ASAP1: variants seen among roughly 807,000 people sequenced by gnomAD.
ASAP1 encodes arf-GAP with SH3 domain, ANK repeat and PH domain-containing protein 1.
ASAP1 carries 43 observed loss-of-function variants against 145.2 expected under a neutral mutation model. The observed-to-expected ratio is 0.30, with a 90% confidence interval of 0.23 to 0.38. The LOEUF (loss-of-function observed/expected upper bound fraction) is 0.38. ASAP1 is among the 10% of genes least tolerant of loss of function. ASAP1 has a pLI of 1.00. For missense variants in ASAP1, 1,018 were observed against 1,355.3 expected, an observed-to-expected ratio of 0.75 and a Z score of 3.91; for synonymous variants, 546 against 515.5, an observed-to-expected ratio of 1.06 and a Z score of -0.80.
At chr8:130,220,218 C>T (rs772508191) in intron 4 of ASAP1, among the ~76,000 whole-genome samples, 3 of 152,188 alleles carry the variant, frequency 2.0e-5, no homozygotes, top group Non-Finnish European at 4.4e-5. Flanking sequence ...TTTCAACTGC[C>T]AGCATTTCTG....
intron 27 of ASAP1, among the ~76,000 whole-genome samples, chr8:130,070,906 AGAGAGAGGGG>A (rs2097443331): frequency 1.7e-4 from 3 of 18,168 alleles, no homozygotes; most frequent in Non-Finnish European, 2.9e-4. Flanking sequence ...AGAGGGAGGG[AGAGAGAGGGG>A]GAGAGAGAGG....
intron 5 of ASAP1, among the ~76,000 whole-genome samples, chr8:130,205,446 T>C (rs12675390): frequency 0.25 from 37,255 of 149,702 alleles, 5,015 homozygotes; most frequent in East Asian, 0.44. Context: ...TACACTAGGA[T>C]ACCTGTTTAT....
At chr8:130,097,388 T>C (rs2097520790) in intron 24 of ASAP1, among the ~76,000 whole-genome samples, 1 of 152,050 alleles carries the variant, frequency 6.6e-6, no homozygotes, top group African/African-American at 2.4e-5. Context: ...TTAACGGCCC[T>C]CCCTGCACAG....
At chr8:130,284,724 T>C (rs555095077) in intron 3 of ASAP1, among the ~76,000 whole-genome samples, 6 of 152,148 alleles carry the variant, frequency 3.9e-5, no homozygotes, top group South Asian at 2.1e-4. Context: ...CTGTAATCAC[T>C]GACAAAGCAT....
At position 130,124,038 on chromosome 8, in the gene ASAP1, G is replaced by A; in HGVS notation, c.1582C>T (p.Pro528Ser). 6.2e-7 allele frequency: 1 copy of A among 1,609,694 alleles called. No individual in the cohort carries two copies. Among genetic ancestry groups the A allele is most frequent in the Admixed American group, 1.7e-5 (1 of 59,046 alleles). ...IMEANLPSPS[P>S]KPTPSSDMTV... is the part of the protein sequence containing the mutation. Reference sequence around the variant, plus strand: ...ATATCACTTGAAGGGGTGGGTTTTGGTGAGGGGCTGGGTAAATTTGCTTCC... The same window carrying A: ...ATATCACTTGAAGGGGTGGGTTTTGATGAGGGGCTGGGTAAATTTGCTTCC... The change falls in exon 18 of 30, where the codon CCA (proline) becomes TCA (serine). Residue 528 changes from proline to serine, a missense_variant. Transcript: ENST00000518721.
At chr8:130,280,500 C>T (rs1231361893) in intron 3 of ASAP1, among the ~76,000 whole-genome samples, 1 of 152,240 alleles carries the variant, frequency 6.6e-6, no homozygotes, top group African/African-American at 2.4e-5. Flanking sequence ...GAGCAGTCAA[C>T]CATGTCAGCA....
rs141291002 is a variant in ASAP1, at chr8:130,294,945, T to C, written c.187-57951A>G. 1.5e-4 allele frequency among the ~76,000 whole-genome samples: 23 copies of C among 152,284 alleles called. No individual in the cohort carries two copies. The East Asian group carries it at 2.5e-3, about 17-fold the overall frequency. ...ATTTACAGGAATGTGGACAGGGTTG[T>C]TGGATTAACAGCGAGAGGAATAATA... is the stretch of plus-strand genomic sequence containing the variant. On this transcript the variant is annotated intron_variant, in intron 3 of 29. Coordinates refer to ENST00000518721, the MANE Select transcript of ASAP1 (RefSeq NM_018482.4).
At chr8:130,131,160 A>G (rs2097582381) in intron 15 of ASAP1, among the ~76,000 whole-genome samples, 1 of 130,896 alleles carries the variant, frequency 7.6e-6, no homozygotes, top group South Asian at 2.3e-4. Flanking sequence ...CTGAAAACAA[A>G]CAAACAAACA....
chr8:130,361,077 T>C (rs1287635140), intron 2 of ASAP1: 3 of 155,030 alleles, frequency 1.9e-5, no homozygotes, highest in Non-Finnish European at 4.3e-5. Flanking sequence ...GATTCTTGCA[T>C]TTATTTTGTT....
At chr8:130,352,219 T>TTG (rs1466129617) in intron 3 of ASAP1, among the ~76,000 whole-genome samples, 1 of 151,040 alleles carries the variant, frequency 6.6e-6, no homozygotes, top group South Asian at 2.1e-4. Context: ...AGGGTTTTTT[T>TTG]TTTTTTTTTT....
chr8:130,088,876 A>G (rs1025890763), intron 25 of ASAP1, among the ~76,000 whole-genome samples: 2 of 152,210 alleles, frequency 1.3e-5, no homozygotes, highest in Admixed American at 1.3e-4. Flanking sequence ...AGACACTATT[A>G]CTAGCCCCAT....
At chr8:130,351,265 CA>C (rs976715903) in intron 3 of ASAP1, among the ~76,000 whole-genome samples, 24 of 152,180 alleles carry the variant, frequency 1.6e-4, no homozygotes, top group Admixed American at 1.6e-3. Flanking sequence ...GTTTTCAATG[CA>C]GATTCTGCAT....
chr8:130,324,747 A>T (rs1168856679), intron 3 of ASAP1, among the ~76,000 whole-genome samples: 1 of 152,130 alleles, frequency 6.6e-6, no homozygotes, highest in East Asian at 1.9e-4. Flanking sequence ...CATCTGTTTT[A>T]CCCAGACAGT....
intron 2 of ASAP1, among the ~76,000 whole-genome samples, chr8:130,377,746 C>G (rs1311844428): frequency 2.0e-5 from 3 of 152,170 alleles, no homozygotes; most frequent in African/African-American, 7.2e-5. Flanking sequence ...GGAGTGCTCC[C>G]CTGCTCTCCA....
chr8:130,079,962 C>T lies in ASAP1; in HGVS notation c.2582G>A (p.Gly861Glu), dbSNP rs776946460. Residue 861 changes from glycine (G) to glutamate (E), a missense_variant, in exon 26 of 30, where the codon GGG becomes GAG. Coordinates refer to ENST00000518721, the MANE Select transcript of ASAP1 (RefSeq NM_018482.4). ...NKGAVPWGND[G>E]GPSSSSKTTN... ...AGTCTTACTTGAAGAGGATGGACCCCCATCGTTACCTACAAGGAAAACCGA... is the reference window on the plus strand; with the variant it reads ...AGTCTTACTTGAAGAGGATGGACCCTCATCGTTACCTACAAGGAAAACCGA... The T allele has an allele frequency of 6.2e-7, 1 of 1,614,044 alleles. No homozygotes were observed. The highest frequency in any genetic ancestry group is 8.5e-7 in the Non-Finnish European group (1 of 1,179,916).
chr8:130,146,767 G>A (rs1418952937), intron 13 of ASAP1, among the ~76,000 whole-genome samples: 2 of 152,180 alleles, frequency 1.3e-5, no homozygotes, highest in Non-Finnish European at 2.9e-5. Context: ...AGATCCAAAG[G>A]AAAGGGAGAA....
At chr8:130,172,886 A>G (rs887512072) in intron 9 of ASAP1, among the ~76,000 whole-genome samples, 2 of 152,264 alleles carry the variant, frequency 1.3e-5, no homozygotes, top group African/African-American at 4.8e-5. Flanking sequence ...TGCTTCAATT[A>G]TTCAGACTGT....
intron 3 of ASAP1, among the ~76,000 whole-genome samples, chr8:130,290,758 A>G: frequency 6.6e-6 from 1 of 152,212 alleles, no homozygotes; most frequent in East Asian, 1.9e-4. Context: ...ACAAATCCTT[A>G]ACAGGATAAT....
At chr8:130,246,243 T>C (rs1179498432) in intron 3 of ASAP1, among the ~76,000 whole-genome samples, 1 of 151,958 alleles carries the variant, frequency 6.6e-6, no homozygotes, top group African/African-American at 2.4e-5. Context: ...ATGAGTGAAG[T>C]ATGGGCCTCC....
Sources: gnomAD v4.1 joint callset for allele counts (sites outside exome capture counted in the v4.1 genomes callset) on GRCh38, gnomAD v4.1.1 for gene constraint, MANE v1.5 for transcripts, NCBI Gene and HGNC (gene_info 2026-07-23, HGNC 2026-07-21) for gene names.